Variants in LARGE1 observed in about 807,000 individuals in gnomAD.
The protein encoded by LARGE1 is LARGE xylosyl- and glucuronyltransferase 1, also known as xylosyl- and glucuronyltransferase LARGE1.
LARGE1 carries 43 observed loss-of-function variants against 87.6 expected under a neutral mutation model. The ratio of observed to expected loss-of-function variants is 0.49; its 90% confidence interval spans 0.38 to 0.63. LARGE1 has a LOEUF of 0.63. LARGE1 is among the 30% of genes least tolerant of loss of function. The probability of loss-of-function intolerance (pLI) is 0.00; values close to 1 mark genes in which losing one functional copy is unlikely to be tolerated. For synonymous variants in LARGE1, 434 were observed against 394.6 expected (o/e 1.10, Z -1.18); for missense variants, 802 against 1,000.2 (o/e 0.80, Z 2.67).
At chr22:33,489,315 G>T (rs541157656) in intron 6 of LARGE1, among the ~76,000 whole-genome samples, 6 of 152,186 alleles carry the variant, frequency 3.9e-5, no homozygotes, top group Admixed American at 3.3e-4. Flanking sequence ...ACCTTCCCAG[G>T]TCTTTTCAAA....
chr22:33,136,545 C>T, the LARGE1 span, among the ~76,000 whole-genome samples: 1 of 152,102 alleles, frequency 6.6e-6, no homozygotes, highest in Non-Finnish European at 1.5e-5. Context: ...CAAACCATAT[C>T]ACCAACAAAG....
At chr22:33,443,319 C>T (rs1415684963) in intron 6 of LARGE1, among the ~76,000 whole-genome samples, 1 of 152,146 alleles carries the variant, frequency 6.6e-6, no homozygotes, top group Non-Finnish European at 1.5e-5. Flanking sequence ...ATTTCTCTCC[C>T]CAAGGGAATG....
intron 2 of LARGE1, among the ~76,000 whole-genome samples, chr22:33,693,433 G>T (rs1464463074): frequency 3.9e-5 from 6 of 151,950 alleles, no homozygotes; most frequent in African/African-American, 1.5e-4. Context: ...GGGAGGGAGT[G>T]AGGGAGGGAA....
At chr22:33,336,726 A>T (rs1386705469) in intron 10 of LARGE1, among the ~76,000 whole-genome samples, 1 of 152,132 alleles carries the variant, frequency 6.6e-6, no homozygotes, top group Non-Finnish European at 1.5e-5. Flanking sequence ...GGCCATGGGC[A>T]ACCTGCCTAA....
chr22:33,378,286 T>G (rs2065048865), intron 9 of LARGE1, among the ~76,000 whole-genome samples: 1 of 152,194 alleles, frequency 6.6e-6, no homozygotes, highest in Non-Finnish European at 1.5e-5. Flanking sequence ...GGGCATAGGC[T>G]TAAAATAAAA....
chr22:33,115,358 C>T, the LARGE1 span, among the ~76,000 whole-genome samples: 1 of 151,666 alleles, frequency 6.6e-6, no homozygotes, highest in Admixed American at 6.6e-5. Flanking sequence ...GAGGATGGAT[C>T]ACGAGGTCAG....
At chr22:33,462,516 C>T (rs985974488) in intron 6 of LARGE1, among the ~76,000 whole-genome samples, 2 of 152,280 alleles carry the variant, frequency 1.3e-5, no homozygotes, top group African/African-American at 2.4e-5. Context: ...GGCGTGGTGG[C>T]TCAGGCCTGT....
At chr22:33,799,698 C>T (rs893222414) in intron 1 of LARGE1, among the ~76,000 whole-genome samples, 1 of 152,158 alleles carries the variant, frequency 6.6e-6, no homozygotes, top group African/African-American at 2.4e-5. Context: ...TCCCAAAGTG[C>T]TGGGATTACA....
intron 10 of LARGE1, among the ~76,000 whole-genome samples, chr22:33,321,912 G>C (rs143927663): frequency 0.048 from 7,373 of 152,126 alleles, 324 homozygotes; most frequent in African/African-American, 0.13. Flanking sequence ...TCTGCCTCCC[G>C]GGTTCAAGCG....
At chr22:33,136,934 T>A in the LARGE1 span, among the ~76,000 whole-genome samples, 2 of 147,806 alleles carry the variant, frequency 1.4e-5, no homozygotes, top group Non-Finnish European at 3.0e-5. Context: ...AATATTAAGG[T>A]AAAAAAAAAA....
At chr22:33,125,118 C>T in the LARGE1 span, among the ~76,000 whole-genome samples, 7 of 152,290 alleles carry the variant, frequency 4.6e-5, no homozygotes, top group Middle Eastern at 3.4e-3. Flanking sequence ...CTCCACGTGT[C>T]GGTAAACTGT....
At chr22:33,907,453 G>A (rs79179390) in intron 1 of LARGE1, among the ~76,000 whole-genome samples, 3,175 of 152,286 alleles carry the variant, frequency 0.021, 107 homozygotes, top group African/African-American at 0.071. Context: ...TTCTGCATCT[G>A]GCTCTTTAAA....
chr22:33,743,510 A>G (rs1218587348), intron 2 of LARGE1, among the ~76,000 whole-genome samples: 2 of 152,148 alleles, frequency 1.3e-5, no homozygotes, highest in African/African-American at 4.8e-5. Context: ...ACCTATCCCC[A>G]GGCAGCCACT....
At chr22:33,512,683 A>C (rs1418338206) in intron 6 of LARGE1, among the ~76,000 whole-genome samples, 2 of 152,122 alleles carry the variant, frequency 1.3e-5, no homozygotes, top group African/African-American at 4.8e-5. Flanking sequence ...GGCGCCTGTA[A>C]TCCCAGCTAC....
At chr22:33,866,776 C>A (rs1426912990) in intron 1 of LARGE1, among the ~76,000 whole-genome samples, 2 of 152,052 alleles carry the variant, frequency 1.3e-5, no homozygotes, top group African/African-American at 4.8e-5. Flanking sequence ...AAAGCACCTC[C>A]CACAGGCCCA....
chr22:33,391,083 G>A (rs1243230115), intron 7 of LARGE1, among the ~76,000 whole-genome samples: 2 of 152,024 alleles, frequency 1.3e-5, no homozygotes, highest in Non-Finnish European at 1.5e-5. Context: ...CACCCGCCTC[G>A]GCCTCCCCAA....
intron 6 of LARGE1, among the ~76,000 whole-genome samples, chr22:33,492,617 C>T (rs1330316894): frequency 6.6e-6 from 1 of 152,160 alleles, no homozygotes; most frequent in Non-Finnish European, 1.5e-5. Context: ...GGGAGCTTTG[C>T]AAATTCTTTC....
At chr22:33,310,023 C>T (rs1339758039) in intron 11 of LARGE1, among the ~76,000 whole-genome samples, 3 of 152,170 alleles carry the variant, frequency 2.0e-5, no homozygotes, top group South Asian at 2.1e-4. Flanking sequence ...CTCTCCAGAA[C>T]GGTCAGTGCT....
chr22:33,831,472 C>T (rs942203038), intron 1 of LARGE1, among the ~76,000 whole-genome samples: 3 of 152,104 alleles, frequency 2.0e-5, no homozygotes, highest in Non-Finnish European at 4.4e-5. Flanking sequence ...GCCGTGAGGA[C>T]GGAGTGGGAG....
Sources: allele counts gnomAD v4.1 joint callset (sites outside exome capture counted in the v4.1 genomes callset), GRCh38; gene constraint gnomAD v4.1.1; transcripts MANE v1.5; gene names NCBI Gene and HGNC (gene_info 2026-07-23, HGNC 2026-07-21).